Variants in ADD3 observed in about 807,000 individuals in gnomAD.
ADD3 encodes adducin 3.
Under a neutral mutation model 80.2 loss-of-function variants are expected in ADD3, and 25 were observed. The ratio of observed to expected loss-of-function variants is 0.31; its 90% confidence interval spans 0.23 to 0.44. The LOEUF (loss-of-function observed/expected upper bound fraction) is 0.44. ADD3 is among the 20% of genes least tolerant of loss of function. ADD3 has a pLI of 1.00. For synonymous variants in ADD3, 284 were observed against 289.6 expected (o/e 0.98, Z 0.20); for missense variants, 829 against 847.5 (o/e 0.98, Z 0.27).
intron 1 of ADD3, among the ~76,000 whole-genome samples, chr10:110,087,876 G>A (rs758250800): frequency 6.6e-6 from 1 of 152,208 alleles, no homozygotes; most frequent in East Asian, 1.9e-4. Flanking sequence ...TTACAGTTCC[G>A]GAGGCCAGAG....
At chr10:110,011,575 T>G (rs1023039815) in intron 1 of ADD3, among the ~76,000 whole-genome samples, 3 of 152,238 alleles carry the variant, frequency 2.0e-5, no homozygotes, top group African/African-American at 7.2e-5. Context: ...CTAAACACTG[T>G]TTTTGTTATA....
intron 1 of ADD3, among the ~76,000 whole-genome samples, chr10:110,071,138 C>G (rs1480796465): frequency 6.6e-6 from 1 of 151,776 alleles, no homozygotes. Flanking sequence ...ATGGCTTTTA[C>G]TGGGTAAAGT....
At chr10:110,040,432 A>G (rs1277810039) in intron 1 of ADD3, among the ~76,000 whole-genome samples, 1 of 152,228 alleles carries the variant, frequency 6.6e-6, no homozygotes, top group African/African-American at 2.4e-5. Flanking sequence ...TGGCCAATTA[A>G]TATATGTACC....
At chr10:110,007,564 T>C (rs898910536), upstream of ADD3, among the ~76,000 whole-genome samples, 2 of 152,142 alleles carry the variant, frequency 1.3e-5, no homozygotes, top group African/African-American at 4.8e-5. Flanking sequence ...TCGGGGTCGT[T>C]TCCCCCTCTG....
intron 2 of ADD3, among the ~76,000 whole-genome samples, chr10:110,102,818 T>G (rs1253641014): frequency 1.3e-5 from 2 of 152,242 alleles, no homozygotes; most frequent in Non-Finnish European, 2.9e-5. Flanking sequence ...GTTTTTGTCT[T>G]ATAGTTTGCC....
intron 1 of ADD3, among the ~76,000 whole-genome samples, chr10:110,039,132 C>G (rs1021024086): frequency 6.6e-6 from 1 of 152,132 alleles, no homozygotes; most frequent in Non-Finnish European, 1.5e-5. Flanking sequence ...CCACTCTGGC[C>G]AGACCCTCTC....
intron 1 of ADD3, among the ~76,000 whole-genome samples, chr10:110,056,179 C>T (rs1858171158): frequency 6.6e-6 from 1 of 152,138 alleles, no homozygotes; most frequent in Non-Finnish European, 1.5e-5. Flanking sequence ...TTAGGGAAAA[C>T]CTTAATCCTC....
chr10:110,066,250 T>G (rs985073309), intron 1 of ADD3, among the ~76,000 whole-genome samples: 1 of 152,194 alleles, frequency 6.6e-6, no homozygotes, highest in South Asian at 2.1e-4. Flanking sequence ...ATTTGAGTGT[T>G]TGTTTGTTTT....
At chr10:110,125,776 A>C in intron 10 of ADD3, 50 bp from the exon 11 acceptor site, 1 of 1,427,026 alleles carries the variant, frequency 7.0e-7, no homozygotes, top group Non-Finnish European at 9.6e-7. Context: ...ACAATCTACT[A>C]ATATTTTCTT....
At chr10:110,110,378 TC>T (rs1458402447) in intron 2 of ADD3, among the ~76,000 whole-genome samples, 1 of 152,144 alleles carries the variant, frequency 6.6e-6, no homozygotes. Context: ...CCACTGTACT[TC>T]CCTGCCCCAT....
intron 1 of ADD3, among the ~76,000 whole-genome samples, chr10:110,074,319 G>A (rs1845128016): frequency 6.6e-6 from 1 of 152,166 alleles, no homozygotes; most frequent in Non-Finnish European, 1.5e-5. Context: ...TCTGGCACTT[G>A]AAAACATCTC....
intron 1 of ADD3, among the ~76,000 whole-genome samples, chr10:110,088,150 T>C (rs1847034197): frequency 6.6e-6 from 1 of 152,226 alleles, no homozygotes; most frequent in Admixed American, 6.5e-5. Flanking sequence ...CAGTATGATC[T>C]CAACTTAATT....
chr10:110,079,850 C>G (rs1219000267), intron 1 of ADD3, among the ~76,000 whole-genome samples: 2 of 152,138 alleles, frequency 1.3e-5, no homozygotes, highest in Non-Finnish European at 1.5e-5. Flanking sequence ...CTACTTCATT[C>G]TTTTTAATGG....
At position 110,033,750 on chromosome 10, in the gene ADD3, G is replaced by A. The variant is rs1220965811; in HGVS notation, c.-30+25451G>A. Among the ~76,000 whole-genome samples, 4 of 152,064 alleles carry A rather than the reference G, an allele frequency of 2.6e-5. No individual in the cohort carries two copies. The South Asian group carries it at 6.2e-4, about 24-fold the overall frequency. On this transcript the variant is annotated intron_variant, in intron 1 of 14. Transcript: ENST00000356080. The stretch of plus-strand genomic sequence containing the variant: ...TGTGCATTCTTGTAAATAATAAATA[G>A]GGACAATAAAGTCATTGTGCTATAC...
At chr10:110,062,100 C>T (rs756729564) in intron 1 of ADD3, among the ~76,000 whole-genome samples, 2 of 146,636 alleles carry the variant, frequency 1.4e-5, no homozygotes, top group African/African-American at 2.5e-5. Flanking sequence ...CAGTGGCTCA[C>T]GCCTGTAATC....
chr10:110,111,343 G>A (rs1488423775), intron 2 of ADD3, among the ~76,000 whole-genome samples: 2 of 152,200 alleles, frequency 1.3e-5, no homozygotes, highest in Non-Finnish European at 2.9e-5. Context: ...TAAAACGAAG[G>A]AGACATGAGC....
In ADD3 at chr10:110,135,425, C is replaced by G. The variant is rs1165624924; in HGVS notation, c.*1807C>G. ...GAACTATTGCACCTTTTGCTAATGC[C>G]TCTATTTACTTGCTTTGGCATAAAG... On this transcript the variant is annotated 3_prime_UTR_variant, in exon 15 of 15. Transcript: ENST00000356080. 1.3e-5 allele frequency: 2 copies of G among 152,512 alleles called. No homozygotes were observed. The highest frequency in any genetic ancestry group is 2.9e-5 in the Non-Finnish European group (2 of 68,010). 9.4% of individuals were successfully genotyped at this position (152,512 alleles called of 1,614,324 possible).
intron 1 of ADD3, among the ~76,000 whole-genome samples, chr10:110,026,770 T>G (rs1287950188): frequency 6.7e-6 from 1 of 149,014 alleles, no homozygotes; most frequent in Non-Finnish European, 1.5e-5. Flanking sequence ...TTTAAGTTAA[T>G]GATTGATTTT....
At chr10:110,019,789 C>T (rs1385730803) in intron 1 of ADD3, among the ~76,000 whole-genome samples, 2 of 152,066 alleles carry the variant, frequency 1.3e-5, no homozygotes, top group African/African-American at 2.4e-5. Context: ...GGAGAGTGGC[C>T]AAGAAACCTA....
Sources: gnomAD v4.1 joint callset for allele counts (sites outside exome capture counted in the v4.1 genomes callset) on GRCh38, gnomAD v4.1.1 for gene constraint, MANE v1.5 for transcripts, NCBI Gene and HGNC (gene_info 2026-07-23, HGNC 2026-07-21) for gene names.